Variants in PCDH9 observed in about 807,000 individuals in gnomAD.
PCDH9 encodes protocadherin-9.
In PCDH9, 24 loss-of-function variants were observed where a neutral mutation model predicts 70.6. The observed-to-expected ratio is 0.34, with a 90% confidence interval of 0.25 to 0.48. The LOEUF is 0.48. Ranked by LOEUF, PCDH9 falls within the 20% of genes least tolerant of loss-of-function variation. PCDH9 has a pLI of 0.99. For missense variants in PCDH9, 1,281 were observed against 1,503.6 expected (o/e 0.85, Z 2.45); for synonymous variants, 562 against 558.5 (o/e 1.01, Z -0.09).
chr13:66,533,436 C>T (rs142001472), intron 4 of PCDH9, among the ~76,000 whole-genome samples: 26 of 151,990 alleles, frequency 1.7e-4, no homozygotes, highest in Admixed American at 2.6e-4. Flanking sequence ...CAGTGCAAAA[C>T]TATTTGTAGA....
chr13:66,430,106 T>C lies in PCDH9; in HGVS notation c.3341-125078A>G, dbSNP rs374425260. Among the ~76,000 whole-genome samples the C allele has an allele frequency of 9.2e-5, 14 of 152,096 alleles. No individual in the cohort carries two copies. The East Asian group carries it at 2.3e-3, about 25-fold the overall frequency. ...TCTGTTTTTAGAATGCTTTTTTCCC[T>C]ATTTATAAAAGTAATACATGCTTAC... On this transcript the variant is annotated intron_variant, in intron 4 of 4. Transcript: ENST00000377865.
At chr13:66,745,010 C>T (rs1255496976) in intron 3 of PCDH9, among the ~76,000 whole-genome samples, 1 of 152,110 alleles carries the variant, frequency 6.6e-6, no homozygotes, top group Non-Finnish European at 1.5e-5. Flanking sequence ...TGCCTGGATT[C>T]AAATTCAGTC....
At chr13:66,989,163 T>C (rs1384049428) in intron 2 of PCDH9, among the ~76,000 whole-genome samples, 1 of 151,964 alleles carries the variant, frequency 6.6e-6, no homozygotes, top group Non-Finnish European at 1.5e-5. Context: ...ATAAATATTA[T>C]ATATGTTACA....
rs538541009 is a variant in PCDH9, at chr13:66,703,087, A to G, written c.3139-71676T>C. ...TAAACCATAAAATTACAAATTGAAT[A>G]CAAATGAAAACAGCTGAGTTCTTAT... is the stretch of plus-strand genomic sequence containing the variant. On this transcript the variant is annotated intron_variant, in intron 3 of 4. Coordinates refer to ENST00000377865, the MANE Select transcript of PCDH9 (RefSeq NM_203487.3). 2.0e-5 allele frequency among the ~76,000 whole-genome samples: 3 copies of G among 152,360 alleles called. No homozygotes were observed. In the East Asian group the frequency reaches 5.8e-4, roughly 29 times the overall value.
intron 3 of PCDH9, among the ~76,000 whole-genome samples, chr13:66,873,123 G>A (rs1478480832): frequency 6.6e-6 from 1 of 151,786 alleles, no homozygotes; most frequent in East Asian, 1.9e-4. Flanking sequence ...CATTACCTTG[G>A]CAAGTTAAGC....
chr13:67,071,538 T>C (rs920171654), intron 2 of PCDH9, among the ~76,000 whole-genome samples: 1 of 152,090 alleles, frequency 6.6e-6, no homozygotes, highest in Non-Finnish European at 1.5e-5. Context: ...TCTATGTAAA[T>C]AGAACACAAA....
intron 3 of PCDH9, among the ~76,000 whole-genome samples, chr13:66,633,576 T>C (rs1388837013): frequency 6.6e-6 from 1 of 152,158 alleles, no homozygotes; most frequent in Non-Finnish European, 1.5e-5. Flanking sequence ...ACATAGCTTT[T>C]ACAGTGACTG....
intron 2 of PCDH9, among the ~76,000 whole-genome samples, chr13:67,034,747 G>A (rs553575122): frequency 1.3e-5 from 2 of 151,074 alleles, no homozygotes; most frequent in Non-Finnish European, 2.9e-5. Flanking sequence ...TGTGTGTCAC[G>A]AGAGTTTGGT....
chr13:66,511,736 G>T (rs1364799197), intron 4 of PCDH9, among the ~76,000 whole-genome samples: 1 of 152,078 alleles, frequency 6.6e-6, no homozygotes, highest in Non-Finnish European at 1.5e-5. Context: ...TTCTGTAAGT[G>T]TGTGTGGTAC....
chr13:67,120,171 G>A (rs2138297114), intron 2 of PCDH9, among the ~76,000 whole-genome samples: 1 of 117,078 alleles, frequency 8.5e-6, no homozygotes, highest in African/African-American at 3.2e-5. Flanking sequence ...TCAGCTGCAT[G>A]TAATGCTCAT....
chr13:66,358,449 T>G (rs1956419610), intron 4 of PCDH9, among the ~76,000 whole-genome samples: 1 of 152,014 alleles, frequency 6.6e-6, no homozygotes, highest in Non-Finnish European at 1.5e-5. Context: ...CTTTTAAAGC[T>G]TGCATGGTGA....
chr13:67,207,426 A>G (rs1696089452), intron 2 of PCDH9: 1 of 152,178 alleles, frequency 6.6e-6, no homozygotes, highest in African/African-American at 2.4e-5. Context: ...AAATACGGAC[A>G]ATAATAACAG....
At position 66,405,112 on chromosome 13, in the gene PCDH9, A is replaced by G. The variant is rs142740894; in HGVS notation, c.3341-100084T>C. On this transcript the variant is annotated intron_variant, in intron 4 of 4. Transcript: ENST00000377865. ...TAAATCTCAGTAAAATATGAGGCAA[A>G]CACATAACACAGATAGTTACTTTTT... 1.9e-4 allele frequency among the ~76,000 whole-genome samples: 29 copies of G among 152,246 alleles called. 1 individual carries two copies. Among genetic ancestry groups the G allele is most frequent in the African/African-American group, 5.8e-4 (24 of 41,572 alleles).
intron 4 of PCDH9, among the ~76,000 whole-genome samples, chr13:66,365,252 A>G (rs984936314): frequency 6.6e-5 from 10 of 152,160 alleles, no homozygotes; most frequent in African/African-American, 2.4e-4. Flanking sequence ...TCTTGGAGAA[A>G]TGTCATCTAA....
chr13:67,023,947 T>C (rs909349231), intron 2 of PCDH9, among the ~76,000 whole-genome samples: 1 of 151,574 alleles, frequency 6.6e-6, no homozygotes, highest in Non-Finnish European at 1.5e-5. Context: ...TTATAAGGTG[T>C]TCATTCAGAG....
At chr13:67,055,958 G>C (rs2085411903) in intron 2 of PCDH9, among the ~76,000 whole-genome samples, 1 of 152,126 alleles carries the variant, frequency 6.6e-6, no homozygotes, top group Non-Finnish European at 1.5e-5. Flanking sequence ...CTGAAGACCA[G>C]CCTGGGCAAC....
chr13:66,572,115 T>A (rs1010571643), intron 4 of PCDH9, among the ~76,000 whole-genome samples: 1 of 152,154 alleles, frequency 6.6e-6, no homozygotes, highest in African/African-American at 2.4e-5. Context: ...TTGTACATAT[T>A]TGTAGGGTAC....
At chr13:67,111,449 T>C (rs549030371) in intron 2 of PCDH9, among the ~76,000 whole-genome samples, 1 of 152,332 alleles carries the variant, frequency 6.6e-6, no homozygotes, top group East Asian at 1.9e-4. Flanking sequence ...TCTTAGGCTG[T>C]ACTATATACT....
intron 2 of PCDH9, among the ~76,000 whole-genome samples, chr13:66,909,503 C>T (rs1302871797): frequency 6.6e-6 from 1 of 152,018 alleles, no homozygotes; most frequent in East Asian, 1.9e-4. Flanking sequence ...GGCACAGTGG[C>T]TCACGCCTGT....
Sources: allele counts gnomAD v4.1 joint callset (sites outside exome capture counted in the v4.1 genomes callset), GRCh38; gene constraint gnomAD v4.1.1; transcripts MANE v1.5; gene names NCBI Gene and HGNC (gene_info 2026-07-23, HGNC 2026-07-21).